ANKRD44: variants seen among roughly 807,000 people sequenced by gnomAD.
ANKRD44 encodes serine/threonine-protein phosphatase 6 regulatory ankyrin repeat subunit B.
A neutral mutation model predicts 116.0 loss-of-function variants in ANKRD44; 35 were observed. The observed-to-expected ratio is 0.30, with a 90% confidence interval of 0.23 to 0.40. The LOEUF (loss-of-function observed/expected upper bound fraction) is 0.40, where lower values mean the gene tolerates loss of function less well. ANKRD44 is among the 10% of genes least tolerant of loss of function. ANKRD44 has a pLI of 1.00. For synonymous variants in ANKRD44, 435 were observed against 461.8 expected, an observed-to-expected ratio of 0.94 and a Z score of 0.74; for missense variants, 1,014 against 1,242.6, an observed-to-expected ratio of 0.82 and a Z score of 2.77.
chr2:197,164,598 C>A (rs1230689334), intron 2 of ANKRD44, among the ~76,000 whole-genome samples: 1 of 152,180 alleles, frequency 6.6e-6, no homozygotes, highest in Admixed American at 6.5e-5. Context: ...AGCCCCCTCC[C>A]CTGCTGCTGC....
At chr2:197,106,085 C>G (rs1440521544) in intron 9 of ANKRD44, among the ~76,000 whole-genome samples, 1 of 152,160 alleles carries the variant, frequency 6.6e-6, no homozygotes, top group Non-Finnish European at 1.5e-5. Context: ...GGGGTCTGAG[C>G]TGATAAAAGT....
At chr2:197,030,327 A>C (rs2076681166) in intron 16 of ANKRD44, among the ~76,000 whole-genome samples, 1 of 152,252 alleles carries the variant, frequency 6.6e-6, no homozygotes, top group Non-Finnish European at 1.5e-5. Flanking sequence ...AGTGAGGCAG[A>C]GAAAATCTGT....
intron 1 of ANKRD44, among the ~76,000 whole-genome samples, chr2:197,249,541 G>A (rs1263505524): frequency 6.6e-6 from 1 of 152,160 alleles, no homozygotes; most frequent in African/African-American, 2.4e-5. Context: ...TTTTAGAGAT[G>A]TAATTTCAGC....
At chr2:197,059,250 T>G (rs2077263160) in intron 16 of ANKRD44, among the ~76,000 whole-genome samples, 1 of 152,204 alleles carries the variant, frequency 6.6e-6, no homozygotes, top group South Asian at 2.1e-4. Flanking sequence ...AAAAAAGTAT[T>G]AACTTTTCAA....
chr2:197,210,171 T>C (rs770222384), intron 1 of ANKRD44, among the ~76,000 whole-genome samples: 2 of 152,156 alleles, frequency 1.3e-5, no homozygotes, highest in East Asian at 1.9e-4. Context: ...CAAGAGGAAG[T>C]TGGGTGTTTC....
chr2:197,198,799 A>AAAAATAAAATAAAATAAAATAAAAT (rs139084196), intron 1 of ANKRD44: 40 of 151,524 alleles, frequency 2.6e-4, no homozygotes, highest in African/African-American at 8.6e-4. Flanking sequence ...TCGAAAAATA[A>AAAAATAAAATAAAATAAAATAAAAT]AAAATAAAAT....
Position 196,987,757 on chromosome 2 carries a change from T to C in ANKRD44, c.*1834A>G. On this transcript the variant is annotated 3_prime_UTR_variant, in exon 28 of 28. Transcript: ENST00000282272. ...GCAAATAAGTAAGTGCAATGAAACA[T>C]GATCCTTGTAGTTGTGGTTAAAATA... 1.0e-6 allele frequency: 1 copy of C among 985,380 alleles called. No homozygotes were observed. The highest frequency in any genetic ancestry group is 1.2e-6 in the Non-Finnish European group (1 of 829,908). The allele number at this position is 985,380 out of a possible 1,614,324, so 61.0% of individuals were successfully genotyped here.
chr2:197,162,620 TC>T (rs1393319428), intron 2 of ANKRD44, among the ~76,000 whole-genome samples: 1 of 152,200 alleles, frequency 6.6e-6, no homozygotes, highest in Non-Finnish European at 1.5e-5. Context: ...GATTTTTGGG[TC>T]ACTCGAAAGT....
At chr2:197,095,400 A>G (rs2078138356) in intron 10 of ANKRD44, among the ~76,000 whole-genome samples, 1 of 152,186 alleles carries the variant, frequency 6.6e-6, no homozygotes, top group South Asian at 2.1e-4. Context: ...CTTCCATATA[A>G]ACAAAATTTG....
intron 1 of ANKRD44, among the ~76,000 whole-genome samples, chr2:197,249,167 A>G (rs187282893): frequency 0.015 from 2,246 of 152,218 alleles, 17 homozygotes; most frequent in Non-Finnish European, 0.02. Context: ...CAACTACTTG[A>G]GAGGCTGAGG....
At chr2:197,135,708 G>A (rs536384995) in intron 4 of ANKRD44, 1 of 152,410 alleles carries the variant, frequency 6.6e-6, no homozygotes, top group African/African-American at 2.4e-5. Context: ...CCAACGACAT[G>A]TTTGCTGAAC....
intron 16 of ANKRD44, among the ~76,000 whole-genome samples, chr2:197,035,057 G>A (rs146385038): frequency 4.0e-4 from 61 of 152,300 alleles, no homozygotes; most frequent in Middle Eastern, 3.4e-3. Context: ...CAATGCTTTG[G>A]ATTTAAAAGC....
At chr2:197,074,982 G>T (rs1038838266) in intron 16 of ANKRD44, among the ~76,000 whole-genome samples, 1 of 151,988 alleles carries the variant, frequency 6.6e-6, no homozygotes, top group African/African-American at 2.4e-5. Flanking sequence ...GAATATGTAA[G>T]TAGGGGCATT....
intron 1 of ANKRD44, among the ~76,000 whole-genome samples, chr2:197,271,732 C>T (rs983799225): frequency 6.6e-6 from 1 of 152,060 alleles, no homozygotes; most frequent in Non-Finnish European, 1.5e-5. Flanking sequence ...CTACCTCAAC[C>T]TCCCTAGTAG....
chr2:197,087,878 A>G (rs1320916593), intron 12 of ANKRD44, among the ~76,000 whole-genome samples: 3 of 152,226 alleles, frequency 2.0e-5, no homozygotes, highest in South Asian at 2.1e-4. Flanking sequence ...ATACAAAATT[A>G]TGAATACAAA....
intron 2 of ANKRD44, among the ~76,000 whole-genome samples, chr2:197,181,030 T>C (rs2080491411): frequency 6.6e-6 from 1 of 152,204 alleles, no homozygotes; most frequent in Non-Finnish European, 1.5e-5. Flanking sequence ...TAGTCAAGAA[T>C]GGCAGCTGTA....
intron 2 of ANKRD44, among the ~76,000 whole-genome samples, chr2:197,155,899 T>TA (rs2079797467): frequency 6.6e-6 from 1 of 152,164 alleles, no homozygotes; most frequent in Non-Finnish European, 1.5e-5. Context: ...GGGGAACATA[T>TA]TTGTAAAGCA....
rs2076339170 is a variant in ANKRD44, at chr2:197,013,788, G to C, written c.1723-76C>G. ...CCGCCACAGTCCACAGGAGGGGCTG[G>C]GCTTCCTGGGCCATGGATAGAGACC... On this transcript the variant is annotated intron_variant, in intron 17 of 27. Coordinates refer to ENST00000282272, the MANE Select transcript of ANKRD44 (RefSeq NM_001195144.2). 4.0e-6 allele frequency: 6 copies of C among 1,489,534 alleles called. No homozygotes were observed. In the Admixed American group the frequency reaches 6.9e-5, roughly 17 times the overall value. The allele number at this position is 1,489,534 out of a possible 1,614,324, so 92.3% of individuals were successfully genotyped here.
At chr2:197,182,324 C>A (rs926331668) in intron 2 of ANKRD44, among the ~76,000 whole-genome samples, 2 of 152,204 alleles carry the variant, frequency 1.3e-5, no homozygotes, top group Admixed American at 1.3e-4. Context: ...GTGTGCCCCT[C>A]CTGACCCTTC....
Sources: allele counts gnomAD v4.1 joint callset (sites outside exome capture counted in the v4.1 genomes callset), GRCh38; gene constraint gnomAD v4.1.1; transcripts MANE v1.5; gene names NCBI Gene and HGNC (gene_info 2026-07-23, HGNC 2026-07-21).